The following CXADR variants were observed in gnomAD, a reference collection of about 807,000 sequenced individuals.
CXADR encodes CXADR cell adhesion molecule.
A neutral mutation model predicts 40.3 loss-of-function variants in CXADR; 20 were observed. That is an observed-to-expected ratio of 0.50 (90% CI 0.35 to 0.72). The LOEUF (loss-of-function observed/expected upper bound fraction) is 0.72. Ranked by LOEUF, CXADR falls within the 30% of genes least tolerant of loss-of-function variation. The pLI is 0.01. For synonymous variants in CXADR, 150 were observed against 161.3 expected (o/e 0.93, Z 0.53); for missense variants, 332 against 449.1 (o/e 0.74, Z 2.36).
downstream of CXADR, among the ~76,000 whole-genome samples, chr21:17,598,384 T>C (rs994062711): frequency 1.3e-5 from 2 of 152,178 alleles, no homozygotes; most frequent in Non-Finnish European, 2.9e-5. Context: ...TTTTGCCAAT[T>C]TTTCTGAAAT....
chr21:17,605,125 G>A, the CXADR span: 2 of 1,065,512 alleles, frequency 1.9e-6, no homozygotes, highest in African/African-American at 1.6e-5. Context: ...GAGAACCTAG[G>A]AGCATATCTA....
In CXADR at chr21:17,513,081, G is replaced by C. The variant is rs1284409307; in HGVS notation, c.-49G>C. The C allele has an allele frequency of 7.5e-7, 1 of 1,335,516 alleles. No individual in the cohort carries two copies. Among genetic ancestry groups the C allele is most frequent in the Non-Finnish European group, 9.6e-7 (1 of 1,040,436 alleles). 82.7% of individuals were successfully genotyped at this position (1,335,516 alleles called of 1,614,324 possible). On this transcript the variant is annotated 5_prime_UTR_variant, in exon 1 of 7. Transcript: ENST00000284878. ...CGAGGCGCGGGGAGCCTGGGACCAG[G>C]AGCGAGAGCCGCCTACCTGCAGCCG...
At chr21:17,614,097 A>G in the CXADR span, 1 of 14,718 alleles carries the variant, frequency 6.8e-5, no homozygotes, top group Non-Finnish European at 1.2e-4. Context: ...AATAAACTTT[A>G]TTTGTAAAAA....
rs545671253 is a variant in CXADR at position 17,568,113 on chromosome 21, A to G, written c.*2421A>G. 1 of 946,468 alleles carries G rather than the reference A, an allele frequency of 1.1e-6. No individual in the cohort carries two copies. The highest frequency in any genetic ancestry group is 4.9e-5 in the South Asian group (1 of 20,362). 58.6% of individuals were successfully genotyped at this position (946,468 alleles called of 1,614,324 possible). A position where few individuals can be genotyped will look rare whatever the true frequency, so the allele number is the denominator to read the frequency against. ...AGCATTTCCGTTAGATCAGTCAAGG[A>G]CAGTACTGCATCTTTTTTTTTTTTT... On this transcript the variant is annotated 3_prime_UTR_variant, in exon 7 of 7. Coordinates refer to ENST00000284878, the MANE Select transcript of CXADR (RefSeq NM_001338.5).
rs183719649 is a variant in CXADR, at chr21:17,567,847, A to G, written c.*2155A>G. ...AAGTTATCATAGAAAGTGGACACGT[A>G]TAAGACTTTCCTTCCTTTTTTTTTT... On this transcript the variant is annotated 3_prime_UTR_variant, in exon 7 of 7. Transcript: ENST00000284878. 2.9e-4 allele frequency: 279 copies of G among 953,518 alleles called. No homozygotes were observed. The highest frequency in any genetic ancestry group is 5.4e-4 in the Middle Eastern group (1 of 1,858). 59.1% of individuals were successfully genotyped at this position (953,518 alleles called of 1,614,324 possible).
At chr21:17,519,832 G>C (rs1036172118) in intron 1 of CXADR, among the ~76,000 whole-genome samples, 2 of 152,164 alleles carry the variant, frequency 1.3e-5, no homozygotes, top group East Asian at 1.9e-4. Context: ...GGTGATGTGC[G>C]TCTGTAATCC....
At chr21:17,514,565 GAA>G (rs11289742) in intron 1 of CXADR, among the ~76,000 whole-genome samples, 188 of 142,350 alleles carry the variant, frequency 1.3e-3, no homozygotes, top group Admixed American at 1.4e-3. Flanking sequence ...TGTTCTCTGG[GAA>G]AAAAAAAAAA....
At chr21:17,593,335 C>A in exon 8 of CXADR, 1 of 725,708 alleles carries the variant, frequency 1.4e-6, no homozygotes, top group Non-Finnish European at 1.9e-6. Flanking sequence ...TATGCAATGG[C>A]ATTAGACATG....
At chr21:17,532,432 A>G (rs73308210) in intron 1 of CXADR, among the ~76,000 whole-genome samples, 2,028 of 152,244 alleles carry the variant, frequency 0.013, 35 homozygotes, top group African/African-American at 0.046. Context: ...ATCGAGAACA[A>G]ATTTCTCAAA....
intron 1 of CXADR, among the ~76,000 whole-genome samples, chr21:17,514,091 C>G (rs1427145197): frequency 6.6e-6 from 1 of 152,210 alleles, no homozygotes; most frequent in Non-Finnish European, 1.5e-5. Context: ...TTTTAACCAA[C>G]TGATCTTGTT....
chr21:17,602,547 C>T, the CXADR span, among the ~76,000 whole-genome samples: 1 of 152,168 alleles, frequency 6.6e-6, no homozygotes, highest in African/African-American at 2.4e-5. Context: ...ACCACCTCTA[C>T]TAAACGATTA....
Position 17,547,132 on chromosome 21 carries a change from A to G in CXADR, c.149A>G (p.Gln50Arg). 1 of 1,614,216 alleles carries G rather than the reference A, an allele frequency of 6.2e-7. No homozygotes were observed. Among genetic ancestry groups the G allele is most frequent in the South Asian group, 1.1e-5 (1 of 91,078 alleles). ...PCKFTLSPEDQGPLDIEWLIS... is the reference protein window; with the variant it reads ...PCKFTLSPEDRGPLDIEWLIS... Reference sequence around the variant, plus strand: ...AAATTTACGCTTAGTCCCGAAGACCAGGGACCGCTGGACATCGAGTGGCTG... The same window carrying G: ...AAATTTACGCTTAGTCCCGAAGACCGGGGACCGCTGGACATCGAGTGGCTG... The change falls in exon 2 of 7, where the codon CAG becomes CGG. Residue 50 changes from glutamine (Q) to arginine (R), a missense_variant. By Grantham distance (43) the Gln-to-Arg change is conservative. This residue lies in a region of CXADR where 162 missense variants were observed against 198.5 expected (regional missense o/e 0.82). Transcript: ENST00000284878.
At chr21:17,520,024 T>C (rs2060510459) in intron 1 of CXADR, among the ~76,000 whole-genome samples, 1 of 151,900 alleles carries the variant, frequency 6.6e-6, no homozygotes, top group Non-Finnish European at 1.5e-5. Context: ...CATATATATA[T>C]AAAATATATA....
At chr21:17,594,313 G>C, downstream of CXADR, 1 of 1,612,608 alleles carries the variant, frequency 6.2e-7, no homozygotes, top group Non-Finnish European at 8.5e-7. Context: ...TGGAAGAGGT[G>C]GAAATATAAG....
chr21:17,517,014 A>G (rs2060470442), intron 1 of CXADR, among the ~76,000 whole-genome samples: 1 of 152,170 alleles, frequency 6.6e-6, no homozygotes. Flanking sequence ...GAAAAAAAAT[A>G]CAAGAGCTTT....
chr21:17,568,564 T>A lies in CXADR; in HGVS notation c.*2872T>A. 1 of 980,124 alleles carries A rather than the reference T, an allele frequency of 1.0e-6. No homozygotes were observed. The highest frequency in any genetic ancestry group is 1.2e-6 in the Non-Finnish European group (1 of 825,778). 60.7% of individuals were successfully genotyped at this position (980,124 alleles called of 1,614,324 possible). A position where few individuals can be genotyped will look rare whatever the true frequency, so the allele number is the denominator to read the frequency against. Reference sequence around the variant, plus strand: ...AGAATATATAGTTCTGTACTTTTTTTTTTTTTTTTTAAGAGATAGGGTTTC... The same window carrying A: ...AGAATATATAGTTCTGTACTTTTTTATTTTTTTTTTAAGAGATAGGGTTTC... On this transcript the variant is annotated 3_prime_UTR_variant, in exon 7 of 7. Transcript: ENST00000284878.
At position 17,585,524 on chromosome 21, in the gene CXADR, A is replaced by AT. The variant is rs2061388438; in HGVS notation, c.1018-7626dup. Among the ~76,000 whole-genome samples, 9 of 150,378 alleles carry AT rather than the reference A, an allele frequency of 6.0e-5. 1 individual carries two copies. In the South Asian group the frequency reaches 1.3e-3, roughly 21 times the overall value. ...TCTTTGTGCTTCTGGGTGTTTAATTATTATTTTTTTTTGAGACCGAGTCTC... is the reference window on the plus strand; with the variant it reads ...TCTTTGTGCTTCTGGGTGTTTAATTATTTATTTTTTTTTGAGACCGAGTCTC... On this transcript the variant is annotated intron_variant, in intron 7 of 7. Transcript: ENST00000400169.
intron 3 of CXADR, among the ~76,000 whole-genome samples, chr21:17,554,052 G>A (rs556431076): frequency 9.2e-5 from 14 of 152,352 alleles, no homozygotes; most frequent in African/African-American, 2.4e-4. Flanking sequence ...CATGATATGC[G>A]AAGCAGAAGA....
rs2060415304 is a variant in CXADR at position 17,513,324 on chromosome 21, G to A, written c.43+152G>A. The A allele has an allele frequency of 2.4e-5, 19 of 790,772 alleles. No individual in the cohort carries two copies. In the South Asian group the frequency reaches 8.7e-4, roughly 36 times the overall value. 49.0% of individuals were successfully genotyped at this position (790,772 alleles called of 1,614,324 possible). A position where few individuals can be genotyped will look rare whatever the true frequency, so the allele number is the denominator to read the frequency against. On this transcript the variant is annotated intron_variant, in intron 1 of 6. Transcript: ENST00000284878. The stretch of plus-strand genomic sequence containing the variant: ...GGCGGGGCGGGCAGAATTGCACAGG[G>A]GCGCTTTTGCTGGGCCGGGCGCTCC...
Sources: allele counts gnomAD v4.1 joint callset (sites outside exome capture counted in the v4.1 genomes callset), GRCh38; gene constraint gnomAD v4.1.1; regional missense constraint gnomAD v4.1.1; transcripts MANE v1.5; gene names NCBI Gene and HGNC (gene_info 2026-07-23, HGNC 2026-07-21).